Variants in NREP observed in about 807,000 individuals in gnomAD.
NREP encodes neuronal regeneration related protein, also known as neuronal regeneration-related protein.
A neutral mutation model predicts 8.6 loss-of-function variants in NREP; 5 were observed. The ratio of observed to expected loss-of-function variants is 0.58; its 90% CI spans 0.30 to 1.22. The LOEUF is 1.22. NREP is among the 50% of genes most tolerant of loss of function. The pLI, the probability that NREP is intolerant of heterozygous loss-of-function variation, is 0.07. For missense variants in NREP, 86 were observed against 82.5 expected, an observed-to-expected ratio of 1.04 and a Z score of -0.17; for synonymous variants, 27 against 28.0, an observed-to-expected ratio of 0.96 and a Z score of 0.11.
chr5:111,820,432 A>G (rs912847009), intron 2 of NREP, among the ~76,000 whole-genome samples: 2 of 152,192 alleles, frequency 1.3e-5, no homozygotes, highest in African/African-American at 4.8e-5. Flanking sequence ...TATGAAATCC[A>G]CAAATGATTG....
At chr5:111,768,628 G>A (rs896283643) in intron 2 of NREP, among the ~76,000 whole-genome samples, 2 of 152,132 alleles carry the variant, frequency 1.3e-5, no homozygotes, top group Non-Finnish European at 2.9e-5. Flanking sequence ...TTGAATCTCT[G>A]TTCCTGCATT....
intron 2 of NREP, among the ~76,000 whole-genome samples, chr5:111,791,024 C>A (rs1751733645): frequency 6.6e-6 from 1 of 152,000 alleles, no homozygotes; most frequent in African/African-American, 2.4e-5. Flanking sequence ...GCAACCAATC[C>A]CCGAGTATAC....
intron 2 of NREP, among the ~76,000 whole-genome samples, chr5:111,745,628 C>T (rs1213951163): frequency 6.6e-6 from 1 of 152,104 alleles, no homozygotes; most frequent in Non-Finnish European, 1.5e-5. Context: ...AAATCCTGTT[C>T]ACTATAACTT....
At chr5:111,875,019 A>G (rs781143106) in intron 2 of NREP, among the ~76,000 whole-genome samples, 1 of 152,206 alleles carries the variant, frequency 6.6e-6, no homozygotes, top group Non-Finnish European at 1.5e-5. Flanking sequence ...TCTTTTGAAC[A>G]AGATAATTAT....
intron 2 of NREP, among the ~76,000 whole-genome samples, chr5:111,954,998 C>A (rs1215806600): frequency 1.3e-5 from 2 of 152,114 alleles, no homozygotes; most frequent in Non-Finnish European, 2.9e-5. Flanking sequence ...ACTAATTTTC[C>A]AATGAAGATG....
chr5:111,750,415 G>A (rs149744501), intron 2 of NREP, among the ~76,000 whole-genome samples: 20 of 152,220 alleles, frequency 1.3e-4, no homozygotes, highest in East Asian at 9.7e-4. Flanking sequence ...CGTTAATGGC[G>A]CCCTGGAACA....
chr5:111,785,774 G>T (rs768375646), intron 2 of NREP, among the ~76,000 whole-genome samples: 21 of 152,136 alleles, frequency 1.4e-4, no homozygotes, highest in Non-Finnish European at 2.8e-4. Context: ...ATCCATAGCA[G>T]TGAATAAAAA....
intron 2 of NREP, among the ~76,000 whole-genome samples, chr5:111,881,641 G>A (rs1304919679): frequency 6.6e-6 from 1 of 152,168 alleles, no homozygotes; most frequent in Non-Finnish European, 1.5e-5. Flanking sequence ...AACTTCCAGA[G>A]GAACGATCAG....
chr5:111,780,897 T>TAC, intron 2 of NREP, among the ~76,000 whole-genome samples: 1 of 152,316 alleles, frequency 6.6e-6, no homozygotes, highest in East Asian at 1.9e-4. Context: ...CCCACATTTT[T>TAC]TTTAACGTTT....
intron 2 of NREP, among the ~76,000 whole-genome samples, chr5:111,805,998 C>T (rs2112909192): frequency 6.6e-6 from 1 of 152,222 alleles, no homozygotes; most frequent in African/African-American, 2.4e-5. Context: ...TATGTCAGAG[C>T]ATCTTATTGC....
chr5:111,753,961 G>GA (rs1348123078), intron 2 of NREP, among the ~76,000 whole-genome samples: 3 of 151,932 alleles, frequency 2.0e-5, no homozygotes, highest in Admixed American at 6.6e-5. Context: ...AGACTTTCTG[G>GA]AAAAAGAGAA....
intron 2 of NREP, among the ~76,000 whole-genome samples, chr5:111,947,982 A>C (rs546351537): frequency 4.3e-4 from 65 of 152,086 alleles, no homozygotes; most frequent in Non-Finnish European, 8.4e-4. Context: ...CACATTTCTC[A>C]TAATTTCTAA....
intron 2 of NREP, among the ~76,000 whole-genome samples, chr5:111,936,393 C>G (rs1301335307): frequency 6.6e-6 from 1 of 152,038 alleles, no homozygotes; most frequent in Admixed American, 6.6e-5. Flanking sequence ...TCCCCTTCAC[C>G]TTTCACCATA....
At chr5:111,800,636 T>G (rs1697920407) in intron 2 of NREP, among the ~76,000 whole-genome samples, 1 of 152,202 alleles carries the variant, frequency 6.6e-6, no homozygotes, top group East Asian at 1.9e-4. Context: ...TGAGCAAGAT[T>G]CAAAGTGCAC....
rs529752874 is a variant in NREP at position 111,827,524 on chromosome 5, G to A, written c.136-92017C>T. Reference sequence around the variant, plus strand: ...ATTTACAGTGCTTTTCCAGAAAATGGTTATGCCAGTTGCCCTTCAGATTGA... The same window carrying A: ...ATTTACAGTGCTTTTCCAGAAAATGATTATGCCAGTTGCCCTTCAGATTGA... On this transcript the variant is annotated intron_variant, in intron 2 of 3. Transcript: ENST00000395634. Among the ~76,000 whole-genome samples the A allele has an allele frequency of 2.6e-5, 4 of 152,294 alleles. No individual in the cohort carries two copies. In the East Asian group the frequency reaches 7.7e-4, roughly 29 times the overall value.
At chr5:111,804,809 G>C (rs948790449) in intron 2 of NREP, among the ~76,000 whole-genome samples, 6 of 152,088 alleles carry the variant, frequency 3.9e-5, no homozygotes, top group African/African-American at 1.4e-4. Context: ...AGACCATCCT[G>C]GCTAACACGG....
chr5:111,800,161 C>G (rs372378930), intron 2 of NREP, among the ~76,000 whole-genome samples: 5 of 152,072 alleles, frequency 3.3e-5, no homozygotes, highest in African/African-American at 1.2e-4. Context: ...AACTCCTGCC[C>G]TTGTGATTCG....
intron 2 of NREP, among the ~76,000 whole-genome samples, chr5:111,915,779 T>A (rs1393017960): frequency 6.6e-6 from 1 of 152,174 alleles, no homozygotes; most frequent in East Asian, 1.9e-4. Context: ...TGTTTTCTGT[T>A]ATAATTGAGT....
intron 2 of NREP, among the ~76,000 whole-genome samples, chr5:111,912,970 T>C (rs1754954015): frequency 6.6e-6 from 1 of 152,158 alleles, no homozygotes; most frequent in Non-Finnish European, 1.5e-5. Context: ...ATTATTAGCA[T>C]TGACCAGTAA....
Sources: gnomAD v4.1 joint callset for allele counts (sites outside exome capture counted in the v4.1 genomes callset) on GRCh38, gnomAD v4.1.1 for gene constraint, MANE v1.5 for transcripts, NCBI Gene and HGNC (gene_info 2026-07-23, HGNC 2026-07-21) for gene names.